MICOS10: variants seen among roughly 807,000 people sequenced by gnomAD.
MICOS10 encodes MICOS complex subunit MIC10.
In MICOS10, 5 loss-of-function variants were observed where a neutral mutation model predicts 13.4. The observed-to-expected ratio is 0.37, with a 90% confidence interval of 0.20 to 0.78. The LOEUF (loss-of-function observed/expected upper bound fraction) is 0.78. Ranked by LOEUF, MICOS10 falls within the 30% of genes least tolerant of loss-of-function variation. The pLI is 0.47. For missense variants in MICOS10, 101 were observed against 94.6 expected, an observed-to-expected ratio of 1.07 and a Z score of -0.28; for synonymous variants, 35 against 33.6, an observed-to-expected ratio of 1.04 and a Z score of -0.15.
chr1:19,621,719 G>A (rs534791465), intron 1 of MICOS10, among the ~76,000 whole-genome samples: 30 of 152,228 alleles, frequency 2.0e-4, no homozygotes, highest in African/African-American at 5.1e-4. Flanking sequence ...CAAGGGGAGC[G>A]TCCTGTTGGC....
At chr1:19,622,374 G>A (rs2281238) in intron 2 of MICOS10, among the ~76,000 whole-genome samples, 18,758 of 152,154 alleles carry the variant, frequency 0.12, 1,252 homozygotes, top group African/African-American at 0.17. Flanking sequence ...GAGGCAGGGT[G>A]CCTGTTATCC....
chr1:19,608,392 A>G (rs1570476581), intron 1 of MICOS10: 1 of 1,257,340 alleles, frequency 8.0e-7, no homozygotes, highest in Middle Eastern at 1.9e-4. Flanking sequence ...TCATTGCCCT[A>G]CACATCCAAC....
chr1:19,603,681 A>G (rs907177413), intron 1 of MICOS10, among the ~76,000 whole-genome samples: 18 of 152,240 alleles, frequency 1.2e-4, no homozygotes, highest in Non-Finnish European at 2.4e-4. Context: ...TTGGTTTAGA[A>G]TTCTAGTTTA....
chr1:19,605,664 G>A (rs1208908693), intron 1 of MICOS10, among the ~76,000 whole-genome samples: 1 of 152,126 alleles, frequency 6.6e-6, no homozygotes, highest in African/African-American at 2.4e-5. Flanking sequence ...TCAGTTGGTG[G>A]ACATTTAGTT....
intron 3 of MICOS10, 54 bp from the exon 4 acceptor site, chr1:19,626,333 G>C (rs1490581518): frequency 1.2e-6 from 2 of 1,612,894 alleles, no homozygotes; most frequent in Non-Finnish European, 8.5e-7. Flanking sequence ...CAATTAGAGA[G>C]GGTTGTCAGA....
At chr1:19,608,742 A>G in intron 1 of MICOS10, 1 of 522,136 alleles carries the variant, frequency 1.9e-6, no homozygotes, top group Admixed American at 3.6e-5. Context: ...ATAAAAATTA[A>G]AAACTTTTGC....
Position 19,620,464 on chromosome 1 carries a change from A to AT in MICOS10, c.65-1628dup, listed in dbSNP as rs796394754. ...GCAATTAAAAATCGTTTTCTGAATT[A>AT]TTTTTTTTCCAAAGAGAATAGCCTT... On this transcript the variant is annotated intron_variant, in intron 1 of 3. Transcript: ENST00000322753. 6.1e-4 allele frequency among the ~76,000 whole-genome samples: 93 copies of AT among 152,228 alleles called. 2 individuals are homozygous for AT. Among genetic ancestry groups the AT allele is most frequent in the African/African-American group, 2.1e-3 (86 of 41,548 alleles).
chr1:19,607,407 T>C (rs2094839406), intron 1 of MICOS10, among the ~76,000 whole-genome samples: 1 of 152,254 alleles, frequency 6.6e-6, no homozygotes, highest in South Asian at 2.1e-4. Context: ...AATTGCTTTC[T>C]TTGGCAAGTG....
At chr1:19,600,005 G>C (rs2094807742) in intron 1 of MICOS10, among the ~76,000 whole-genome samples, 1 of 152,108 alleles carries the variant, frequency 6.6e-6, no homozygotes, top group Non-Finnish European at 1.5e-5. Flanking sequence ...GGGTCAGTCA[G>C]CGGGCAAATA....
chr1:19,622,250 C>G (rs899068003), intron 2 of MICOS10, 103 bp downstream of exon 2: 1 of 812,894 alleles, frequency 1.2e-6, no homozygotes, highest in Non-Finnish European at 1.9e-6. Flanking sequence ...TTGTGGGTTG[C>G]CAACCCATCC....
At position 19,629,742 on chromosome 1, in the gene MICOS10, G is replaced by A. The variant is rs2100350970; in HGVS notation, c.*3341G>A. The A allele has an allele frequency of 6.6e-6, 1 of 152,080 alleles. No homozygotes were observed. The highest frequency in any genetic ancestry group is 6.5e-5 in the Admixed American group (1 of 15,296). 9.4% of individuals were successfully genotyped at this position (152,080 alleles called of 1,614,324 possible). ...ACCAACCCATAATTGCATTTTACTTGTCGTGGTTCGATCTGATTGTATTGT... is the reference window on the plus strand; with the variant it reads ...ACCAACCCATAATTGCATTTTACTTATCGTGGTTCGATCTGATTGTATTGT... On this transcript the variant is annotated 3_prime_UTR_variant, in exon 4 of 4. Transcript: ENST00000322753.
chr1:19,609,075 G>A (rs868104525), intron 1 of MICOS10, among the ~76,000 whole-genome samples: 4 of 138,570 alleles, frequency 2.9e-5, no homozygotes, highest in African/African-American at 1.1e-4. Flanking sequence ...GCACAGTCAC[G>A]GGAGCCTCAG....
rs987831963 is a variant in MICOS10 at position 19,626,934 on chromosome 1, G to A, written c.*533G>A. 5.6e-5 allele frequency: 9 copies of A among 160,762 alleles called. No individual in the cohort carries two copies. The highest frequency in any genetic ancestry group is 1.2e-4 in the African/African-American group (5 of 41,732). The allele number at this position is 160,762 out of a possible 1,614,324, so 10.0% of individuals were successfully genotyped here. A position where few individuals can be genotyped will look rare whatever the true frequency, so the allele number is the denominator to read the frequency against. On this transcript the variant is annotated 3_prime_UTR_variant, in exon 4 of 4. Transcript: ENST00000322753. ...TGGGGACCTGGCAGGGCACATCTCC[G>A]CTGTGCCTACTGCAAGGCGGTCCCA...
chr1:19,614,302 C>G (rs1243862226), intron 1 of MICOS10, among the ~76,000 whole-genome samples: 2 of 150,762 alleles, frequency 1.3e-5, no homozygotes, highest in Non-Finnish European at 3.0e-5. Flanking sequence ...TCTTTGGCAG[C>G]CTTCCCCCAT....
intron 1 of MICOS10, among the ~76,000 whole-genome samples, chr1:19,620,472 T>C (rs994294633): frequency 6.6e-6 from 1 of 152,250 alleles, no homozygotes; most frequent in Non-Finnish European, 1.5e-5. Context: ...TTATTTTTTT[T>C]CCAAAGAGAA....
At chr1:19,602,271 C>T (rs1263601214) in intron 1 of MICOS10, among the ~76,000 whole-genome samples, 1 of 152,172 alleles carries the variant, frequency 6.6e-6, no homozygotes, top group African/African-American at 2.4e-5. Flanking sequence ...ATTTGCTTCT[C>T]AGAGTGTGTT....
chr1:19,628,703 C>G lies in MICOS10; in HGVS notation c.*2302C>G, dbSNP rs931593955. The G allele has an allele frequency of 3.1e-5, 4 of 128,360 alleles. No individual in the cohort carries two copies. Among genetic ancestry groups the G allele is most frequent in the African/African-American group, 1.3e-4 (4 of 29,654 alleles). The allele number at this position is 128,360 out of a possible 1,614,324, so 8.0% of individuals were successfully genotyped here. ...CTCAAAAAAAAAAAAAAAAAAAAAGCATTTTCCTTCCCCAATTTTTCTGTC... is the reference window on the plus strand; with the variant it reads ...CTCAAAAAAAAAAAAAAAAAAAAAGGATTTTCCTTCCCCAATTTTTCTGTC... On this transcript the variant is annotated 3_prime_UTR_variant, in exon 4 of 4. Coordinates refer to ENST00000322753, the MANE Select transcript of MICOS10 (RefSeq NM_001032363.4).
At chr1:19,618,316 TG>T (rs1364528316) in intron 1 of MICOS10, among the ~76,000 whole-genome samples, 1 of 151,902 alleles carries the variant, frequency 6.6e-6, no homozygotes, top group Admixed American at 6.6e-5. Context: ...GTTTTGTTTT[TG>T]TTTTTGTAGA....
At chr1:19,615,080 C>T (rs2094878543) in intron 1 of MICOS10, among the ~76,000 whole-genome samples, 1 of 152,222 alleles carries the variant, frequency 6.6e-6, no homozygotes, top group African/African-American at 2.4e-5. Context: ...ACCCACAGAA[C>T]ACTGTCCTTT....
Sources: allele counts gnomAD v4.1 joint callset (sites outside exome capture counted in the v4.1 genomes callset), GRCh38; gene constraint gnomAD v4.1.1; transcripts MANE v1.5; gene names NCBI Gene and HGNC (gene_info 2026-07-23, HGNC 2026-07-21).